IPO9: variants seen among roughly 807,000 people sequenced by gnomAD.
IPO9 encodes importin 9.
IPO9 carries 28 observed loss-of-function variants against 128.6 expected under a neutral mutation model. That is an observed-to-expected ratio of 0.22 (90% CI 0.16 to 0.30). The LOEUF (loss-of-function observed/expected upper bound fraction) is 0.30, where lower values mean the gene tolerates loss of function less well. Among genes scored for constraint, IPO9 ranks in the 10% least tolerant of loss-of-function variants. The pLI, the probability that IPO9 is intolerant of heterozygous loss-of-function variation, is 1.00. For missense variants in IPO9, 935 were observed against 1,293.9 expected (o/e 0.72, Z 4.26); for synonymous variants, 455 against 475.8 (o/e 0.96, Z 0.57).
intron 1 of IPO9, among the ~76,000 whole-genome samples, chr1:201,839,952 T>C (rs1156437265): frequency 6.6e-6 from 1 of 152,170 alleles, no homozygotes; most frequent in Non-Finnish European, 1.5e-5. Context: ...ATATAAAGAA[T>C]TCTTAAAAAT....
In IPO9 at chr1:201,854,679, A is replaced by C. The variant is rs957658860; in HGVS notation, c.775A>C (p.Thr259Pro). The change falls in exon 7 of 24, where the codon ACA (threonine) becomes CCA (proline). Residue 259 changes from threonine (T) to proline (P), a missense_variant. Thr to Pro is a conservative substitution (Grantham distance 38, BLOSUM62 -1). This residue lies in a region of IPO9 where 741 missense variants were observed against 1,019.1 expected (regional missense o/e 0.73). Transcript: ENST00000361565. ...GGCCCTCCAGATACCAGATGGCCCCACATCTGACAGTGGGTTTAAGATGGA... is the reference window on the plus strand; with the variant it reads ...GGCCCTCCAGATACCAGATGGCCCCCCATCTGACAGTGGGTTTAAGATGGA... ...VQALQIPDGPTSDSGFKMEVL... is the reference protein window; with the variant it reads ...VQALQIPDGPPSDSGFKMEVL... 1.2e-6 allele frequency: 2 copies of C among 1,614,080 alleles called. No individual in the cohort carries two copies. The highest frequency in any genetic ancestry group is 1.7e-5 in the Admixed American group (1 of 60,006).
chr1:201,868,822 TG>T, intron 16 of IPO9, 26 bp downstream of exon 16: 1 of 1,586,328 alleles, frequency 6.3e-7, no homozygotes, highest in Non-Finnish European at 8.6e-7. Context: ...TGTGTGTGTG[TG>T]TGTGTGAGAG....
intron 6 of IPO9, 117 bp from the exon 7 acceptor site, chr1:201,854,478 C>T: frequency 2.3e-6 from 3 of 1,282,936 alleles, no homozygotes; most frequent in South Asian, 3.1e-5. Flanking sequence ...CTCTTCTGAT[C>T]AGGCTTGGAG....
chr1:201,848,289 G>GA, intron 3 of IPO9, 104 bp from the exon 4 acceptor site: 1 of 926,810 alleles, frequency 1.1e-6, no homozygotes, highest in Non-Finnish European at 1.8e-6. Flanking sequence ...TAGACATGCA[G>GA]TACCTTGTAC....
rs537598209 is a variant in IPO9, at chr1:201,832,180, C to T, written c.163+2808C>T. ...CCTCCCAAAGTGCTGGGATTACAGC[C>T]GTGAGCCACTGCACCCAGCCCACAT... On this transcript the variant is annotated intron_variant, in intron 1 of 23. Transcript: ENST00000361565. Among the ~76,000 whole-genome samples, 288 of 151,994 alleles carry T rather than the reference C, an allele frequency of 1.9e-3. 2 individuals carry two copies. The highest frequency in any genetic ancestry group is 6.6e-3 in the African/African-American group (275 of 41,432).
rs772116201 is a variant in IPO9 at position 201,857,189 on chromosome 1, T to G, written c.1216T>G (p.Leu406Val). Reference protein sequence around the residue: ...YTVRIAAQDLLLAVATDFQNE... With the variant: ...YTVRIAAQDLVLAVATDFQNE... The stretch of plus-strand genomic sequence containing the variant: ...TGTTAGAATAGCAGCTCAAGACTTG[T>G]TGCTGGTAAGTTTACCTTGATACTT... Residue 406 changes from leucine (L) to valine (V), a missense_variant, in exon 11 of 24, where the codon TTG becomes GTG. Around this residue, in one of 3 missense-constraint regions of IPO9, gnomAD observed 741 missense variants for 1,019.1 expected, o/e 0.73. Coordinates refer to ENST00000361565, the MANE Select transcript of IPO9 (RefSeq NM_018085.5). The G allele has an allele frequency of 2.5e-6, 4 of 1,592,798 alleles. No individual in the cohort carries two copies. The highest frequency in any genetic ancestry group is 3.4e-6 in the Non-Finnish European group (4 of 1,160,660).
chr1:201,831,750 A>G (rs1679836631), intron 1 of IPO9, among the ~76,000 whole-genome samples: 1 of 152,210 alleles, frequency 6.6e-6, no homozygotes, highest in South Asian at 2.1e-4. Context: ...GCCGGGATTT[A>G]GCCAACTATC....
At chr1:201,843,002 T>C (rs1680062808) in intron 1 of IPO9, among the ~76,000 whole-genome samples, 1 of 152,242 alleles carries the variant, frequency 6.6e-6, no homozygotes, top group Non-Finnish European at 1.5e-5. Context: ...TCCTCTGAGC[T>C]ACTGTTTCTT....
At chr1:201,861,600 A>C (rs1353754964) in intron 13 of IPO9, among the ~76,000 whole-genome samples, 1 of 152,228 alleles carries the variant, frequency 6.6e-6, no homozygotes, top group African/African-American at 2.4e-5. Context: ...TGTGTTTATC[A>C]GGAAGTAACC....
chr1:201,869,696 C>T lies in IPO9; in HGVS notation c.2111C>T (p.Thr704Ile), dbSNP rs369760805. The stretch of plus-strand genomic sequence containing the variant: ...GCTGTGGCACAGTGTACCCTTCACA[C>T]AGATGACAATGCCACCATGCAGGTA... ...FPAVAQCTLH[T>I]DDNATMQNGG... Residue 704 changes from threonine to isoleucine, a missense_variant, in exon 17 of 24, where the codon ACA becomes ATA. This residue lies in a region of IPO9 where 741 missense variants were observed against 1,019.1 expected (regional missense o/e 0.73). Coordinates refer to ENST00000361565, the MANE Select transcript of IPO9 (RefSeq NM_018085.5). 2.5e-6 allele frequency: 4 copies of T among 1,614,082 alleles called. No individual in the cohort carries two copies. In the African/African-American group the frequency reaches 5.3e-5, roughly 22 times the overall value.
chr1:201,867,596 G>T (rs989413198), intron 15 of IPO9, among the ~76,000 whole-genome samples: 11 of 151,562 alleles, frequency 7.3e-5, no homozygotes, highest in African/African-American at 2.7e-4. Context: ...TGTATGTATA[G>T]ATAGGTATGT....
Position 201,866,978 on chromosome 1 carries a change from T to C in IPO9, c.1855+19T>C. The C allele has an allele frequency of 6.3e-7, 1 of 1,591,656 alleles. No individual in the cohort carries two copies. Among genetic ancestry groups the C allele is most frequent in the Non-Finnish European group, 8.6e-7 (1 of 1,159,558 alleles). On this transcript the variant is annotated intron_variant, in intron 15 of 23. Coordinates refer to ENST00000361565, the MANE Select transcript of IPO9 (RefSeq NM_018085.5). Reference sequence around the variant, plus strand: ...AGTAATGGTATGCTGCCAGGGAGGATGTATTATGAGGGGCACCAAAGAAAA... The same window carrying C: ...AGTAATGGTATGCTGCCAGGGAGGACGTATTATGAGGGGCACCAAAGAAAA...
chr1:201,845,537 A>G (rs985384362), intron 1 of IPO9, among the ~76,000 whole-genome samples: 4 of 152,224 alleles, frequency 2.6e-5, no homozygotes, highest in South Asian at 2.1e-4. Context: ...TCTTTAGCAT[A>G]GTGCTGTACA....
At chr1:201,830,437 C>A (rs903772858) in intron 1 of IPO9, among the ~76,000 whole-genome samples, 4 of 152,130 alleles carry the variant, frequency 2.6e-5, no homozygotes, top group Non-Finnish European at 5.9e-5. Context: ...CATTCTTTCA[C>A]AGTATGAAAG....
At chr1:201,849,925 G>A (rs376725334) in intron 4 of IPO9, among the ~76,000 whole-genome samples, 5 of 152,086 alleles carry the variant, frequency 3.3e-5, no homozygotes, top group African/African-American at 1.2e-4. Flanking sequence ...CATGGAATTG[G>A]CCTTTTAGGA....
rs753287844 is a variant in IPO9 at position 201,866,848 on chromosome 1, C to G, written c.1744C>G (p.Leu582Val). 3 of 1,614,174 alleles carry G rather than the reference C, an allele frequency of 1.9e-6. No individual in the cohort carries two copies. The highest frequency in any genetic ancestry group is 2.2e-5 in the South Asian group (2 of 91,080). ...AAQFSSEVLN[L>V]VMETLCIVCT... ...CCAGTTCAGCTCAGAGGTCCTCAAC[C>G]TGGTGATGGAGACCCTGTGCATCGT... The change falls in exon 15 of 24, where the codon CTG becomes GTG. Residue 582 changes from leucine (L) to valine (V), a missense_variant. This residue lies in a region of IPO9 where 741 missense variants were observed against 1,019.1 expected (regional missense o/e 0.73). Coordinates refer to ENST00000361565, the MANE Select transcript of IPO9 (RefSeq NM_018085.5).
At chr1:201,862,371 T>C (rs1375585524) in intron 13 of IPO9, among the ~76,000 whole-genome samples, 1 of 151,600 alleles carries the variant, frequency 6.6e-6, no homozygotes, top group Non-Finnish European at 1.5e-5. Flanking sequence ...GGCAGGAGAA[T>C]CGCTCGAACC....
chr1:201,836,039 G>A (rs965119835), intron 1 of IPO9, among the ~76,000 whole-genome samples: 1 of 149,470 alleles, frequency 6.7e-6, no homozygotes, highest in Non-Finnish European at 1.5e-5. Flanking sequence ...CTGAACCCGG[G>A]AGGCAGAGCT....
intron 15 of IPO9, among the ~76,000 whole-genome samples, chr1:201,867,649 G>T (rs9659548): frequency 0.021 from 3,244 of 151,526 alleles, 108 homozygotes; most frequent in African/African-American, 0.071. Flanking sequence ...TTAGGTAGTG[G>T]AATTACAGGT....
Sources: gnomAD v4.1 joint callset for allele counts (sites outside exome capture counted in the v4.1 genomes callset) on GRCh38, gnomAD v4.1.1 for gene constraint, gnomAD v4.1.1 regional missense constraint, MANE v1.5 for transcripts, NCBI Gene and HGNC (gene_info 2026-07-23, HGNC 2026-07-21) for gene names.